Variants in TNRC6B observed in about 807,000 individuals in gnomAD.
TNRC6B encodes trinucleotide repeat-containing gene 6B protein.
TNRC6B carries 52 observed loss-of-function variants against 203.6 expected under a neutral mutation model. That is an observed-to-expected ratio of 0.26 (90% CI 0.20 to 0.32). The LOEUF (loss-of-function observed/expected upper bound fraction) is 0.32. TNRC6B is among the 10% of genes least tolerant of loss of function. TNRC6B has a pLI of 1.00. For missense variants in TNRC6B, 1,923 were observed against 2,286.2 expected, an observed-to-expected ratio of 0.84 and a Z score of 3.24; for synonymous variants, 838 against 845.7, an observed-to-expected ratio of 0.99 and a Z score of 0.16.
intron 21 of TNRC6B, among the ~76,000 whole-genome samples, chr22:40,316,334 A>G (rs1315266515): frequency 6.6e-6 from 1 of 150,828 alleles, no homozygotes; most frequent in Admixed American, 6.6e-5. Flanking sequence ...AGCCTGGGCG[A>G]CAGAGTGAGA....
chr22:40,266,907 A>G lies in TNRC6B; in HGVS notation c.2677A>G (p.Thr893Ala). ...TCGGAAAATGGACATTGATGATGGC[A>G]CTTCAGCATGGGGAGACCCTAACAG... ...ISRKMDIDDG[T>A]SAWGDPNSYN... Residue 893 changes from threonine (T) to alanine (A), a missense_variant, in exon 5 of 23, where the codon ACT (threonine) becomes GCT (alanine). Physicochemically the swap from Thr to Ala is moderately conservative, Grantham distance 58. Coordinates refer to ENST00000454349, the MANE Select transcript of TNRC6B (RefSeq NM_001162501.2). The G allele has an allele frequency of 6.2e-7, 1 of 1,614,012 alleles. No individual in the cohort carries two copies. The highest frequency in any genetic ancestry group is 8.5e-7 in the Non-Finnish European group (1 of 1,179,882).
At chr22:40,186,647 A>T (rs1328242678) in intron 1 of TNRC6B, among the ~76,000 whole-genome samples, 1 of 151,616 alleles carries the variant, frequency 6.6e-6, no homozygotes, top group Admixed American at 6.6e-5. Context: ...CTGATGCAGG[A>T]GAATTGCTTG....
At position 40,049,301 on chromosome 22, in the gene TNRC6B, C is replaced by T. The variant is rs139760263; in HGVS notation, c.-121+4303C>T. On this transcript the variant is annotated intron_variant, in intron 1 of 23. Transcript: ENST00000301923. ...CTCAGCCTCCCAAAGTGCTAGGACACGGATGAGCCACCGTGCCCAGTCAGC... is the reference window on the plus strand; with the variant it reads ...CTCAGCCTCCCAAAGTGCTAGGACATGGATGAGCCACCGTGCCCAGTCAGC... 8.4e-4 allele frequency among the ~76,000 whole-genome samples: 128 copies of T among 151,912 alleles called. 1 individual carries two copies. Among genetic ancestry groups the T allele is most frequent in the African/African-American group, 2.8e-3 (115 of 41,468 alleles).
At chr22:40,238,680 G>A (rs1249474221) in intron 1 of TNRC6B, among the ~76,000 whole-genome samples, 1 of 152,146 alleles carries the variant, frequency 6.6e-6, no homozygotes, top group East Asian at 1.9e-4. Context: ...CTGTATCAGA[G>A]GCCTTTTCTA....
intron 1 of TNRC6B, among the ~76,000 whole-genome samples, chr22:40,099,542 T>A (rs913058934): frequency 2.0e-5 from 3 of 152,064 alleles, no homozygotes; most frequent in African/African-American, 7.2e-5. Flanking sequence ...AGGAAAAAAA[T>A]TGCGTCTCTG....
At chr22:40,153,965 T>G (rs1235448566) in intron 3 of TNRC6B, among the ~76,000 whole-genome samples, 1 of 151,350 alleles carries the variant, frequency 6.6e-6, no homozygotes, top group Non-Finnish European at 1.5e-5. Flanking sequence ...ATTAAGAAAT[T>G]ATTGGCTTTC....
intron 9 of TNRC6B, among the ~76,000 whole-genome samples, chr22:40,278,459 G>C (rs1352829588): frequency 6.6e-6 from 1 of 151,782 alleles, no homozygotes; most frequent in Non-Finnish European, 1.5e-5. Flanking sequence ...TCTGGAGGCT[G>C]AGGCAGGAGA....
In TNRC6B at chr22:40,209,500, G is replaced by C. The variant is rs146672613; in HGVS notation, c.5+31360G>C. ...TAAAAACTCTGTAATTTACTTAAAG[G>C]CTCTGAACCTCGGTTCAGGACATGG... On this transcript the variant is annotated intron_variant, in intron 1 of 22. Coordinates refer to ENST00000454349, the MANE Select transcript of TNRC6B (RefSeq NM_001162501.2). Among the ~76,000 whole-genome samples, 1,148 of 152,236 alleles carry C rather than the reference G, an allele frequency of 7.5e-3. 6 individuals carry two copies. The highest frequency in any genetic ancestry group is 0.018 in the South Asian group (87 of 4,806).
At chr22:40,218,087 G>T (rs966803965) in intron 1 of TNRC6B, among the ~76,000 whole-genome samples, 3 of 151,896 alleles carry the variant, frequency 2.0e-5, no homozygotes, top group Non-Finnish European at 4.4e-5. Flanking sequence ...TACAATGGCT[G>T]ACATTTCTTT....
Position 40,321,161 on chromosome 22 carries a change from C to G in TNRC6B, c.5046C>G (p.Thr1682=), listed in dbSNP as rs1394295143. Residue 1682 remains threonine (T), a synonymous_variant, in exon 22 of 23, where the codon ACC becomes ACG. Coordinates refer to ENST00000454349, the MANE Select transcript of TNRC6B (RefSeq NM_001162501.2). ...TGCTGACATTCCATCTGAATCTAACCCAGGGCACTGCCCTGATCCGATACA... is the reference window on the plus strand; with the variant it reads ...TGCTGACATTCCATCTGAATCTAACGCAGGGCACTGCCCTGATCCGATACA... ...GPLLTFHLNL[T]QGTALIRYST... 1.9e-6 allele frequency: 3 copies of G among 1,613,840 alleles called. No homozygotes were observed. Among genetic ancestry groups the G allele is most frequent in the South Asian group, 1.1e-5 (1 of 91,080 alleles).
chr22:40,052,505 G>T lies in TNRC6B; in HGVS notation c.-121+7507G>T, dbSNP rs994455411. ...AGGGTCTTACTCTGTCACCCAGGCC[G>T]GAGTGCAGTGGCATAAACATGGCTC... On this transcript the variant is annotated intron_variant, in intron 1 of 23. Transcript: ENST00000301923. 6.2e-5 allele frequency among the ~76,000 whole-genome samples: 9 copies of T among 145,618 alleles called. No homozygotes were observed. In the South Asian group the frequency reaches 2.0e-3, roughly 32 times the overall value.
intron 6 of TNRC6B, among the ~76,000 whole-genome samples, chr22:40,270,520 A>C (rs956766879): frequency 6.6e-6 from 1 of 151,868 alleles, no homozygotes; most frequent in Admixed American, 6.6e-5. Flanking sequence ...GGGTTTCTCC[A>C]TGTTGGTCAG....
At chr22:40,047,142 G>T (rs1044318772) in intron 1 of TNRC6B, among the ~76,000 whole-genome samples, 2 of 152,154 alleles carry the variant, frequency 1.3e-5, no homozygotes, top group Non-Finnish European at 2.9e-5. Context: ...CAGCTATGCA[G>T]TTCCAGGGCA....
At position 40,327,742 on chromosome 22, in the gene TNRC6B, C is replaced by A. The variant is rs987946949; in HGVS notation, c.*4501C>A. ...TACTTATAAAATTCAGTGAGAGTGC[C>A]TTCTTCTCTTCTACCACACTCTGGC... On this transcript the variant is annotated 3_prime_UTR_variant, in exon 23 of 23. Transcript: ENST00000454349. 3.3e-5 allele frequency: 5 copies of A among 152,192 alleles called. No individual in the cohort carries two copies. The highest frequency in any genetic ancestry group is 5.9e-5 in the Non-Finnish European group (4 of 68,040). 9.4% of individuals were successfully genotyped at this position (152,192 alleles called of 1,614,324 possible). A position where few individuals can be genotyped will look rare whatever the true frequency, so the allele number is the denominator to read the frequency against.
Position 40,266,057 on chromosome 22 carries a change from C to T in TNRC6B, c.1827C>T (p.Ser609=). 2 of 1,613,674 alleles carry T rather than the reference C, an allele frequency of 1.2e-6. No homozygotes were observed. The highest frequency in any genetic ancestry group is 1.7e-6 in the Non-Finnish European group (2 of 1,179,896). Residue 609 remains serine (S), a synonymous_variant, in exon 5 of 23, where the codon AGC becomes AGT. Transcript: ENST00000454349. ...AGGCTGTCTTGCAGACTCTTTTGAG[C>T]CGAACTGATTTGGACCCCAGGGTGC... ...DCQAVLQTLL[S]RTDLDPRVLS...
chr22:40,140,247 G>T (rs775101108), intron 3 of TNRC6B, among the ~76,000 whole-genome samples: 5 of 152,106 alleles, frequency 3.3e-5, no homozygotes, highest in Non-Finnish European at 5.9e-5. Context: ...ACCACTTCTT[G>T]CTTAGCTATA....
At chr22:40,096,650 A>C (rs1046954034) in intron 1 of TNRC6B, among the ~76,000 whole-genome samples, 1 of 152,140 alleles carries the variant, frequency 6.6e-6, no homozygotes. Context: ...TTGTGCCTAA[A>C]CAACTGTAAT....
rs897035001 is a variant in TNRC6B at position 40,332,000 on chromosome 22, C to T, written c.*8759C>T. On this transcript the variant is annotated 3_prime_UTR_variant, in exon 23 of 23. Transcript: ENST00000454349. ...GTGGTTCAGGATTCTTGATCCTAGC[C>T]GTGCAGTGTTAATCCAGTGCAGCAA... 1.3e-4 allele frequency: 26 copies of T among 202,914 alleles called. No homozygotes were observed. The highest frequency in any genetic ancestry group is 2.3e-4 in the Non-Finnish European group (23 of 101,164). 12.6% of individuals were successfully genotyped at this position (202,914 alleles called of 1,614,324 possible).
chr22:40,191,052 T>G (rs1010912834), intron 1 of TNRC6B, among the ~76,000 whole-genome samples: 3 of 152,142 alleles, frequency 2.0e-5, no homozygotes, highest in Admixed American at 1.3e-4. Flanking sequence ...TTCGGAATCC[T>G]TGAGGATAGA....
Sources: allele counts gnomAD v4.1 joint callset (sites outside exome capture counted in the v4.1 genomes callset), GRCh38; gene constraint gnomAD v4.1.1; transcripts MANE v1.5; gene names NCBI Gene and HGNC (gene_info 2026-07-23, HGNC 2026-07-21).